Variants in BCOR observed in about 807,000 individuals in gnomAD.
The protein encoded by BCOR is BCL6 corepressor.
In BCOR, 10 loss-of-function variants were observed where a neutral mutation model predicts 86.7. That is an observed-to-expected ratio of 0.12 (90% CI 0.07 to 0.20). The LOEUF is 0.20. Ranked by LOEUF, BCOR falls within the 10% of genes least tolerant of loss-of-function variation. The pLI, the probability that BCOR is intolerant of heterozygous loss-of-function variation, is 1.00. For synonymous variants in BCOR, 611 were observed against 609.0 expected, an observed-to-expected ratio of 1.00 and a Z score of -0.05; for missense variants, 1,259 against 1,452.1, an observed-to-expected ratio of 0.87 and a Z score of 2.16.
At chrX:40,112,808 G>A (rs1014501083) in intron 1 of BCOR, among the ~76,000 whole-genome samples, 5 of 111,349 alleles carry the variant, frequency 4.5e-5, no homozygotes, top group African/African-American at 1.6e-4. Context: ...AAACAGTGGT[G>A]AGCAGGACAA....
At chrX:40,086,656 C>T (rs777371582) in intron 1 of BCOR, among the ~76,000 whole-genome samples, 2 of 113,907 alleles carry the variant, frequency 1.8e-5, no homozygotes, top group Admixed American at 9.2e-5. Flanking sequence ...CTGCATAGTG[C>T]GCGCTTTGTG....
At chrX:40,151,444 C>T (rs111565480) in intron 1 of BCOR, among the ~76,000 whole-genome samples, 3,015 of 113,121 alleles carry the variant, frequency 0.027, 83 homozygotes, top group African/African-American at 0.091. Flanking sequence ...GGACCATGGC[C>T]TTCTGCCGGG....
At chrX:40,137,285 G>A (rs764093454) in intron 1 of BCOR, among the ~76,000 whole-genome samples, 29 of 111,684 alleles carry the variant, frequency 2.6e-4, no homozygotes, top group Non-Finnish European at 4.1e-4. Flanking sequence ...GGTGACTCAC[G>A]CCTGTAATCC....
chrX:40,129,528 G>A (rs1346062531), intron 1 of BCOR, among the ~76,000 whole-genome samples: 2 of 110,438 alleles, frequency 1.8e-5, no homozygotes, highest in South Asian at 3.8e-4. Flanking sequence ...TAATGGGGGG[G>A]CCAGGCCTCA....
chrX:40,144,862 G>A (rs938234387), intron 1 of BCOR, among the ~76,000 whole-genome samples: 6 of 110,774 alleles, frequency 5.4e-5, no homozygotes, highest in Non-Finnish European at 1.9e-5. Flanking sequence ...GTTGAAGGAA[G>A]GAGAAAGGAC....
chrX:40,076,496 G>A lies in BCOR; in HGVS notation c.123C>T (p.Ala41=). The A allele has an allele frequency of 8.3e-7, 1 of 1,207,582 alleles. No homozygotes were observed. The highest frequency in any genetic ancestry group is 1.1e-6 in the Non-Finnish European group (1 of 892,024). ...ILVNDGDASK[A]RLELREENPL... ...GATTCTCTTCCCTCAGTTCCAGTCT[G>A]GCTTTTGAAGCGTCACCATCATTTA... is the stretch of plus-strand genomic sequence containing the variant. The change falls in exon 3 of 15, where the codon GCC becomes GCT. Residue 41 remains alanine, a synonymous_variant. Coordinates refer to ENST00000378444, the MANE Select transcript of BCOR (RefSeq NM_001123385.2).
chrX:40,090,947 A>G (rs1288388411), intron 1 of BCOR, among the ~76,000 whole-genome samples: 1 of 111,399 alleles, frequency 9.0e-6, no homozygotes, highest in East Asian at 2.8e-4. Flanking sequence ...ATTAGCATTG[A>G]AAGATCCTAG....
chrX:40,058,737 A>G (rs1602114300), intron 10 of BCOR, among the ~76,000 whole-genome samples: 1 of 111,611 alleles, frequency 9.0e-6, no homozygotes, highest in East Asian at 2.8e-4. Context: ...GAGAGAAGGC[A>G]TGCCCACAGA....
At chrX:40,096,479 A>G (rs1256620493) in intron 1 of BCOR, among the ~76,000 whole-genome samples, 1 of 111,720 alleles carries the variant, frequency 9.0e-6, no homozygotes, top group African/African-American at 3.3e-5. Context: ...GGGCGGGCCA[A>G]GTCGGAACCC....
rs140614926 is a variant in BCOR, at chrX:40,076,288, G to A, written c.165+166C>T. Among the ~76,000 whole-genome samples, 1,368 of 112,003 alleles carry A rather than the reference G, an allele frequency of 0.012. 24 individuals carry two copies. Among genetic ancestry groups the A allele is most frequent in the African/African-American group, 0.043 (1,309 of 30,771 alleles). ...GAGGCAGGAAGGCAAGACTGGAAGA[G>A]CTTGGGTGGGGGCCTTGTCCTCTCG... On this transcript the variant is annotated intron_variant, in intron 3 of 14. Coordinates refer to ENST00000378444, the MANE Select transcript of BCOR (RefSeq NM_001123385.2).
intron 1 of BCOR, among the ~76,000 whole-genome samples, chrX:40,117,953 G>A (rs1037409019): frequency 1.1e-5 from 1 of 93,840 alleles, no homozygotes; most frequent in Non-Finnish European, 1.9e-5. Flanking sequence ...TACTATGCTC[G>A]CACTCTTTCT....
chrX:40,151,578 G>A (rs905530705), intron 1 of BCOR, among the ~76,000 whole-genome samples: 1 of 112,928 alleles, frequency 8.9e-6, no homozygotes, highest in African/African-American at 3.2e-5. Flanking sequence ...GGGTGAACTC[G>A]GAGCCTGAGG....
chrX:40,156,960 T>G (rs563696227), intron 1 of BCOR, among the ~76,000 whole-genome samples: 1 of 113,145 alleles, frequency 8.8e-6, no homozygotes, highest in Non-Finnish European at 1.9e-5. Flanking sequence ...GGGCAGGAGG[T>G]GGGTGCAGCT....
chrX:40,155,717 T>C (rs1386099640), intron 1 of BCOR, among the ~76,000 whole-genome samples: 2 of 112,646 alleles, frequency 1.8e-5, no homozygotes, highest in Non-Finnish European at 3.8e-5. Context: ...CCGCCGCCGC[T>C]AGAAGTCGTC....
intron 1 of BCOR, among the ~76,000 whole-genome samples, chrX:40,139,252 A>G (rs1292514310): frequency 9.9e-6 from 1 of 100,609 alleles, no homozygotes; most frequent in African/African-American, 3.5e-5. Context: ...TTCCAAGGGT[A>G]GGCGTGTTGA....
chrX:40,133,820 G>A (rs1479953891), intron 1 of BCOR, among the ~76,000 whole-genome samples: 1 of 111,172 alleles, frequency 9.0e-6, no homozygotes, highest in East Asian at 2.8e-4. Flanking sequence ...ACACCACTAA[G>A]AGACAGAAAT....
intron 1 of BCOR, among the ~76,000 whole-genome samples, chrX:40,129,085 G>A (rs1461570705): frequency 8.9e-6 from 1 of 111,792 alleles, no homozygotes. Flanking sequence ...AGGTCGCAGA[G>A]CTAGTGGGCA....
Position 40,061,297 on chromosome X carries a change from A to C in BCOR, c.4428+842T>G, listed in dbSNP as rs181870604. Among the ~76,000 whole-genome samples the C allele has an allele frequency of 2.9e-4, 32 of 111,798 alleles. 1 individual carries two copies. The East Asian group carries it at 8.7e-3, about 30-fold the overall frequency. ...TTTGAACTGTGAAAAGCGTGATTCC[A>C]ATGGGAGCCAGTCCTGGAGAGGAGC... On this transcript the variant is annotated intron_variant, in intron 10 of 14. Transcript: ENST00000378444.
At chrX:40,061,559 G>T (rs964005787) in intron 10 of BCOR, among the ~76,000 whole-genome samples, 5 of 110,703 alleles carry the variant, frequency 4.5e-5, no homozygotes, top group Non-Finnish European at 9.5e-5. Context: ...GAGCAGGGGG[G>T]CTGGGGAGAA....
Sources: gnomAD v4.1 joint callset for allele counts (sites outside exome capture counted in the v4.1 genomes callset) on GRCh38, gnomAD v4.1.1 for gene constraint, MANE v1.5 for transcripts, NCBI Gene and HGNC (gene_info 2026-07-23, HGNC 2026-07-21) for gene names.